The following RBFOX1 variants were observed in gnomAD, a reference collection of about 807,000 sequenced individuals.
RBFOX1 encodes the protein RNA binding protein fox-1 homolog 1.
In RBFOX1, 8 loss-of-function variants were observed where a neutral mutation model predicts 57.7. That is an observed-to-expected ratio of 0.14 (90% CI 0.08 to 0.25). The LOEUF (loss-of-function observed/expected upper bound fraction) is 0.25, where lower values mean the gene tolerates loss of function less well. Among genes scored for constraint, RBFOX1 ranks in the 10% least tolerant of loss-of-function variants. The probability of loss-of-function intolerance (pLI) is 1.00; values close to 1 mark genes in which losing one functional copy is unlikely to be tolerated. For synonymous variants in RBFOX1, 326 were observed against 222.4 expected, an observed-to-expected ratio of 1.47 and a Z score of -4.15; for missense variants, 611 against 548.5, an observed-to-expected ratio of 1.11 and a Z score of -1.14.
At chr16:7,655,448 A>T (rs2066070820) in intron 12 of RBFOX1, among the ~76,000 whole-genome samples, 1 of 152,192 alleles carries the variant, frequency 6.6e-6, no homozygotes, top group African/African-American at 2.4e-5. Context: ...ATTCTCCCTA[A>T]TGCCTGTCAA....
chr16:5,697,535 CTT>C (rs35569754), intron 3 of RBFOX1, among the ~76,000 whole-genome samples: 3 of 138,812 alleles, frequency 2.2e-5, no homozygotes, highest in African/African-American at 2.7e-5. Flanking sequence ...CTTTTCTATT[CTT>C]TTTTTTTTTT....
intron 4 of RBFOX1, among the ~76,000 whole-genome samples, chr16:7,159,247 A>T (rs113511754): frequency 6.6e-6 from 1 of 151,864 alleles, no homozygotes; most frequent in Non-Finnish European, 1.5e-5. Context: ...TCTACCACCC[A>T]AGAATCTTTT....
intron 1 of RBFOX1, among the ~76,000 whole-genome samples, chr16:5,327,818 C>T (rs539805945): frequency 6.6e-6 from 1 of 152,316 alleles, no homozygotes; most frequent in African/African-American, 2.4e-5. Context: ...CCTTGTAAAG[C>T]CACCAGCAGA....
At chr16:7,219,825 C>A (rs916607088) in intron 4 of RBFOX1, among the ~76,000 whole-genome samples, 1 of 152,106 alleles carries the variant, frequency 6.6e-6, no homozygotes, top group African/African-American at 2.4e-5. Context: ...TGACCTTCCA[C>A]CAAAGGATTT....
chr16:7,206,356 A>T (rs1380061200), intron 4 of RBFOX1, among the ~76,000 whole-genome samples: 3 of 152,072 alleles, frequency 2.0e-5, no homozygotes, highest in African/African-American at 7.2e-5. Context: ...AAGTAAGCCT[A>T]ACATACCCCT....
intron 3 of RBFOX1, among the ~76,000 whole-genome samples, chr16:5,745,437 C>T (rs1369695041): frequency 1.3e-5 from 2 of 152,114 alleles, no homozygotes; most frequent in Non-Finnish European, 1.5e-5. Flanking sequence ...GCATGATTTA[C>T]AATCCTTTCA....
chr16:5,467,197 T>TCTCTCTC lies in RBFOX1; in HGVS notation c.220-19_220-18insCTCTCTC, dbSNP rs60828774. 26 of 891,508 alleles carry TCTCTCTC rather than the reference T, an allele frequency of 2.9e-5. No homozygotes were observed. In the Admixed American group the frequency reaches 8.1e-4, roughly 28 times the overall value. The allele number at this position is 891,508 out of a possible 1,614,324, so 55.2% of individuals were successfully genotyped here. ...TCTTCTCTCTCTCTCTCTCTCTCTC[T>TCTCTCTC]TTTTTTTTTTTAATGCAGGATCTAC... On this transcript the variant is annotated intron_variant, in intron 1 of 2. Coordinates refer to the RBFOX1 transcript ENST00000585867.
intron 1 of RBFOX1, among the ~76,000 whole-genome samples, chr16:5,263,959 G>T (rs2062798434): frequency 6.6e-6 from 1 of 152,210 alleles, no homozygotes; most frequent in Non-Finnish European, 1.5e-5. Flanking sequence ...GTATCATTCA[G>T]CAGCCCTTGG....
chr16:6,929,421 A>G (rs978668626), intron 3 of RBFOX1, among the ~76,000 whole-genome samples: 1 of 152,160 alleles, frequency 6.6e-6, no homozygotes, highest in African/African-American at 2.4e-5. Context: ...TGCCTCCACC[A>G]GGTAAACAGC....
At chr16:6,298,502 GTGAC>G (rs1274569981) in intron 1 of RBFOX1, among the ~76,000 whole-genome samples, 2 of 152,216 alleles carry the variant, frequency 1.3e-5, no homozygotes, top group Non-Finnish European at 2.9e-5. Flanking sequence ...TAATCAGAGA[GTGAC>G]TGCTGGTAAG....
chr16:5,495,658 C>T (rs1333579492), intron 2 of RBFOX1, among the ~76,000 whole-genome samples: 4 of 152,218 alleles, frequency 2.6e-5, no homozygotes, highest in African/African-American at 4.8e-5. Context: ...TGACCTAGGT[C>T]TCAGGCAGGA....
At chr16:6,139,237 C>T (rs1177561778) in intron 1 of RBFOX1, among the ~76,000 whole-genome samples, 1 of 152,064 alleles carries the variant, frequency 6.6e-6, no homozygotes, top group Non-Finnish European at 1.5e-5. Flanking sequence ...CAGTAGTTTT[C>T]AGGCCAACTA....
intron 3 of RBFOX1, among the ~76,000 whole-genome samples, chr16:6,892,775 C>CT (rs1567747539): frequency 0.013 from 1,129 of 84,744 alleles, 185 homozygotes; most frequent in African/African-American, 0.035. Flanking sequence ...TCCCTGTCTC[C>CT]CTCTCTCTCT....
At position 5,524,096 on chromosome 16, in the gene RBFOX1, C is replaced by T. The variant is rs111804120; in HGVS notation, c.258+56842C>T. On this transcript the variant is annotated intron_variant, in intron 2 of 2. Transcript: ENST00000585867. ...GGTTGAGAAAGTGTCAGATTCCTTCCACCAGCCTCACAGGATGCAATAAAG... is the reference window on the plus strand; with the variant it reads ...GGTTGAGAAAGTGTCAGATTCCTTCTACCAGCCTCACAGGATGCAATAAAG... 1.7e-4 allele frequency among the ~76,000 whole-genome samples: 26 copies of T among 152,294 alleles called. 1 individual carries two copies. The highest frequency in any genetic ancestry group is 6.3e-4 in the African/African-American group (26 of 41,582).
At chr16:6,278,881 G>T (rs1019158184) in intron 1 of RBFOX1, among the ~76,000 whole-genome samples, 1 of 152,014 alleles carries the variant, frequency 6.6e-6, no homozygotes, top group African/African-American at 2.4e-5. Context: ...ATCTTAAATC[G>T]TTGGTGATTT....
chr16:7,194,455 G>C (rs1380633729), intron 4 of RBFOX1, among the ~76,000 whole-genome samples: 1 of 152,162 alleles, frequency 6.6e-6, no homozygotes, highest in Admixed American at 6.5e-5. Flanking sequence ...TAGTGACTTT[G>C]GCAGTGGAAC....
intron 2 of RBFOX1, among the ~76,000 whole-genome samples, chr16:5,527,048 C>G (rs1234336196): frequency 6.6e-6 from 1 of 152,138 alleles, no homozygotes. Context: ...TGCCATGTGT[C>G]AGTGGTGCTC....
At chr16:5,740,247 T>A (rs2052726456) in intron 3 of RBFOX1, among the ~76,000 whole-genome samples, 1 of 152,062 alleles carries the variant, frequency 6.6e-6, no homozygotes, top group Admixed American at 6.6e-5. Flanking sequence ...GCCCTGTTGA[T>A]CAGTCATCAT....
chr16:7,561,930 A>C (rs568770743), intron 5 of RBFOX1, among the ~76,000 whole-genome samples: 4 of 152,152 alleles, frequency 2.6e-5, no homozygotes, highest in Non-Finnish European at 5.9e-5. Flanking sequence ...CCAAATACGA[A>C]CTTTTGTGTT....
Sources: gnomAD v4.1 joint callset for allele counts (sites outside exome capture counted in the v4.1 genomes callset) on GRCh38, gnomAD v4.1.1 for gene constraint, MANE v1.5 for transcripts, NCBI Gene and HGNC (gene_info 2026-07-23, HGNC 2026-07-21) for gene names.